Variants in SLC4A4 observed in about 807,000 individuals in gnomAD.
The protein encoded by SLC4A4 is solute carrier family 4 member 4, also known as electrogenic sodium bicarbonate cotransporter 1.
In SLC4A4, 27 loss-of-function variants were observed where a neutral mutation model predicts 111.5. The observed-to-expected ratio is 0.24, with a 90% CI of 0.18 to 0.33. SLC4A4 has a LOEUF of 0.33. Ranked by LOEUF, SLC4A4 falls within the 10% of genes least tolerant of loss-of-function variation. The pLI is 1.00. For synonymous variants in SLC4A4, 443 were observed against 463.4 expected (o/e 0.96, Z 0.57); for missense variants, 909 against 1,315.5 (o/e 0.69, Z 4.78).
intron 2 of SLC4A4, among the ~76,000 whole-genome samples, chr4:71,137,194 G>A (rs779559870): frequency 5.3e-5 from 8 of 152,032 alleles, no homozygotes; most frequent in Non-Finnish European, 1.2e-4. Context: ...ACATCTGCCC[G>A]CTGACTCCAC....
At chr4:71,505,072 A>G (rs1731284064) in intron 16 of SLC4A4, among the ~76,000 whole-genome samples, 1 of 152,098 alleles carries the variant, frequency 6.6e-6, no homozygotes, top group East Asian at 1.9e-4. Context: ...GTTCCATTTT[A>G]TGGCTGCATA....
chr4:71,519,688 G>T (rs1732754476), intron 16 of SLC4A4, among the ~76,000 whole-genome samples: 1 of 152,172 alleles, frequency 6.6e-6, no homozygotes, highest in Non-Finnish European at 1.5e-5. Flanking sequence ...AGGCTGGAGT[G>T]CAGTGGCATG....
intron 2 of SLC4A4, among the ~76,000 whole-genome samples, chr4:71,108,862 T>A (rs891096103): frequency 1.3e-5 from 2 of 152,174 alleles, no homozygotes; most frequent in Non-Finnish European, 2.9e-5. Context: ...TTTATTGGTA[T>A]TTCAATCTGT....
At chr4:71,345,823 A>G (rs939583941) in intron 4 of SLC4A4, among the ~76,000 whole-genome samples, 5 of 152,096 alleles carry the variant, frequency 3.3e-5, no homozygotes, top group African/African-American at 1.2e-4. Context: ...TTAATCATCT[A>G]TGTAATCATA....
intron 14 of SLC4A4, among the ~76,000 whole-genome samples, chr4:71,481,159 G>A (rs546329964): frequency 1.3e-5 from 2 of 151,616 alleles, no homozygotes; most frequent in South Asian, 2.1e-4. Context: ...TATGTGGTGT[G>A]GGAGCCTAAG....
Position 71,496,579 on chromosome 4 carries a change from A to G in SLC4A4, c.1975-922A>G, listed in dbSNP as rs1222720095. Among the ~76,000 whole-genome samples the G allele has an allele frequency of 5.9e-5, 9 of 152,012 alleles. No individual in the cohort carries two copies. The East Asian group carries it at 1.7e-3, about 29-fold the overall frequency. On this transcript the variant is annotated intron_variant, in intron 15 of 25. Transcript: ENST00000264485. ...CAGGTGAGGTGGCTCTTAAATGGCTAATGGCAGTTCTCTAGAGAAAAAGAC... is the reference window on the plus strand; with the variant it reads ...CAGGTGAGGTGGCTCTTAAATGGCTGATGGCAGTTCTCTAGAGAAAAAGAC...
intron 6 of SLC4A4, among the ~76,000 whole-genome samples, chr4:71,391,734 T>A (rs1342869241): frequency 6.6e-6 from 1 of 152,070 alleles, no homozygotes; most frequent in Admixed American, 6.6e-5. Flanking sequence ...TTTTCTTTTT[T>A]TTTAAATGAA....
chr4:71,337,286 C>T (rs111470755), intron 3 of SLC4A4, among the ~76,000 whole-genome samples: 3 of 152,166 alleles, frequency 2.0e-5, no homozygotes, highest in African/African-American at 4.8e-5. Context: ...GACTGAGCAC[C>T]GTGAGGGCTG....
chr4:71,231,154 G>T (rs1296364042), intron 1 of SLC4A4, among the ~76,000 whole-genome samples: 2 of 152,250 alleles, frequency 1.3e-5, no homozygotes, highest in Non-Finnish European at 2.9e-5. Context: ...CACACTCCAA[G>T]ACCTTCAACC....
At chr4:71,168,109 C>A (rs531795830) in intron 2 of SLC4A4, among the ~76,000 whole-genome samples, 1 of 151,612 alleles carries the variant, frequency 6.6e-6, no homozygotes, top group South Asian at 2.1e-4. Context: ...AATAATCACA[C>A]CAGGGTAAAT....
At chr4:71,507,054 C>T (rs941079064) in intron 16 of SLC4A4, among the ~76,000 whole-genome samples, 5 of 152,048 alleles carry the variant, frequency 3.3e-5, no homozygotes, top group South Asian at 4.2e-4. Flanking sequence ...TGAGGAAATT[C>T]GTCATGACCA....
intron 1 of SLC4A4, among the ~76,000 whole-genome samples, chr4:71,072,944 T>A (rs1414288937): frequency 6.6e-6 from 1 of 151,464 alleles, no homozygotes; most frequent in African/African-American, 2.4e-5. Flanking sequence ...ATTTTTGTAT[T>A]ATTATTATTA....
intron 3 of SLC4A4, among the ~76,000 whole-genome samples, chr4:71,293,872 G>A (rs1724577631): frequency 6.6e-6 from 1 of 152,196 alleles, no homozygotes; most frequent in Non-Finnish European, 1.5e-5. Flanking sequence ...GAGCGCTCAT[G>A]TTGAAAGCAC....
At chr4:71,127,778 C>T (rs541511540) in intron 2 of SLC4A4, among the ~76,000 whole-genome samples, 9 of 151,870 alleles carry the variant, frequency 5.9e-5, no homozygotes, top group Non-Finnish European at 1.0e-4. Context: ...TACATAACAC[C>T]GATTAGGGTG....
At chr4:71,321,891 C>T (rs988708092) in intron 3 of SLC4A4, among the ~76,000 whole-genome samples, 5 of 151,972 alleles carry the variant, frequency 3.3e-5, no homozygotes. Context: ...TGTCTGAGAA[C>T]AGTGAAACTA....
chr4:71,149,618 C>T (rs750899873), intron 2 of SLC4A4, among the ~76,000 whole-genome samples: 2 of 152,154 alleles, frequency 1.3e-5, no homozygotes, highest in Non-Finnish European at 2.9e-5. Context: ...ATGTGTTCAA[C>T]AAATGTTTGT....
intron 2 of SLC4A4, among the ~76,000 whole-genome samples, chr4:71,163,983 C>T (rs1007801827): frequency 4.9e-4 from 75 of 152,238 alleles, no homozygotes; most frequent in African/African-American, 1.5e-3. Flanking sequence ...TGGTGGCTCA[C>T]GCCTATAATC....
intron 7 of SLC4A4, among the ~76,000 whole-genome samples, chr4:71,422,994 T>C (rs945750455): frequency 8.5e-5 from 13 of 152,174 alleles, no homozygotes; most frequent in African/African-American, 2.4e-4. Context: ...CCAGGGCAAT[T>C]AGGCAGGAGA....
chr4:71,143,786 T>A (rs1026535707), intron 2 of SLC4A4, among the ~76,000 whole-genome samples: 1 of 152,240 alleles, frequency 6.6e-6, no homozygotes, highest in African/African-American at 2.4e-5. Flanking sequence ...CACTTTTTGA[T>A]GGTGTTGTTT....
Sources: gnomAD v4.1 joint callset for allele counts (sites outside exome capture counted in the v4.1 genomes callset) on GRCh38, gnomAD v4.1.1 for gene constraint, MANE v1.5 for transcripts, NCBI Gene and HGNC (gene_info 2026-07-23, HGNC 2026-07-21) for gene names.